The following FHIP1A variants were observed in gnomAD, a reference collection of about 807,000 sequenced individuals.
FHIP1A encodes FHF complex subunit HOOK interacting protein 1A.
FHIP1A carries 61 observed loss-of-function variants against 88.6 expected under a neutral mutation model. That is an observed-to-expected ratio of 0.69 (90% CI 0.56 to 0.85). The LOEUF (loss-of-function observed/expected upper bound fraction) is 0.85. Ranked by LOEUF, FHIP1A falls within the 40% of genes least tolerant of loss-of-function variation. The pLI, the probability that FHIP1A is intolerant of heterozygous loss-of-function variation, is 0.00. For missense variants in FHIP1A, 1,154 were observed against 1,273.5 expected, an observed-to-expected ratio of 0.91 and a Z score of 1.43; for synonymous variants, 478 against 496.0, an observed-to-expected ratio of 0.96 and a Z score of 0.48.
chr4:151,434,473 C>T (rs1368553283), intron 1 of FHIP1A, among the ~76,000 whole-genome samples: 3 of 152,102 alleles, frequency 2.0e-5, no homozygotes, highest in Non-Finnish European at 4.4e-5. Context: ...CATATAATCA[C>T]AGAGTGTAAA....
At chr4:151,512,477 G>T (rs1042135216) in intron 3 of FHIP1A, among the ~76,000 whole-genome samples, 1 of 152,206 alleles carries the variant, frequency 6.6e-6, no homozygotes, top group Non-Finnish European at 1.5e-5. Context: ...GTTGAGAGAA[G>T]AAGGCTTCAG....
chr4:151,504,843 G>A (rs1448484072), intron 3 of FHIP1A, among the ~76,000 whole-genome samples: 2 of 152,074 alleles, frequency 1.3e-5, no homozygotes, highest in African/African-American at 4.8e-5. Context: ...GTCTCAAACT[G>A]CTGCCTGCAG....
intron 3 of FHIP1A, among the ~76,000 whole-genome samples, chr4:151,491,887 A>G (rs938599468): frequency 1.3e-5 from 2 of 152,318 alleles, no homozygotes; most frequent in African/African-American, 4.8e-5. Flanking sequence ...TAAAGCAACA[A>G]CAGTTAAAAA....
chr4:151,533,063 C>G (rs969919883), intron 3 of FHIP1A: 1 of 152,134 alleles, frequency 6.6e-6, no homozygotes, highest in African/African-American at 2.4e-5. Flanking sequence ...GTGCAACACT[C>G]GACTGTCAGA....
intron 8 of FHIP1A, among the ~76,000 whole-genome samples, chr4:151,633,636 A>G (rs1736237610): frequency 6.6e-6 from 1 of 151,994 alleles, no homozygotes; most frequent in African/African-American, 2.4e-5. Context: ...CCTAGAATGC[A>G]ATGATACTTC....
intron 1 of FHIP1A, among the ~76,000 whole-genome samples, chr4:151,434,330 T>TA (rs2126545976): frequency 6.6e-6 from 1 of 152,358 alleles, no homozygotes; most frequent in South Asian, 2.1e-4. Flanking sequence ...GTCACTATGT[T>TA]ACTTACTATA....
intron 5 of FHIP1A, among the ~76,000 whole-genome samples, chr4:151,584,375 G>A (rs1435770003): frequency 6.6e-6 from 1 of 152,214 alleles, no homozygotes. Context: ...GATACAGAGA[G>A]TGCTGTGGGA....
chr4:151,524,483 C>T (rs954156923), intron 3 of FHIP1A, among the ~76,000 whole-genome samples: 3 of 152,168 alleles, frequency 2.0e-5, no homozygotes, highest in South Asian at 2.1e-4. Flanking sequence ...GGACTGGTAT[C>T]GAAGTGTCTA....
intron 1 of FHIP1A, among the ~76,000 whole-genome samples, chr4:151,429,718 A>G (rs921540716): frequency 1.3e-5 from 2 of 151,976 alleles, no homozygotes; most frequent in African/African-American, 4.8e-5. Context: ...GTGTAGTGGC[A>G]TGTGCCTGTG....
At chr4:151,484,781 T>C (rs986067586) in intron 3 of FHIP1A, among the ~76,000 whole-genome samples, 1 of 152,240 alleles carries the variant, frequency 6.6e-6, no homozygotes, top group African/African-American at 2.4e-5. Flanking sequence ...TATTCTGAGC[T>C]GTTGAGATAA....
intron 2 of FHIP1A, among the ~76,000 whole-genome samples, chr4:151,465,899 A>G (rs1729294206): frequency 6.6e-6 from 1 of 152,218 alleles, no homozygotes; most frequent in Non-Finnish European, 1.5e-5. Flanking sequence ...TATCTATGAC[A>G]AACCCATCCA....
chr4:151,580,211 G>A (rs1733969975), intron 5 of FHIP1A, among the ~76,000 whole-genome samples: 1 of 152,056 alleles, frequency 6.6e-6, no homozygotes, highest in Non-Finnish European at 1.5e-5. Flanking sequence ...GACTTTTTAA[G>A]AGACCAAGCC....
chr4:151,429,746 G>A (rs1733523310), intron 1 of FHIP1A, among the ~76,000 whole-genome samples: 1 of 151,138 alleles, frequency 6.6e-6, no homozygotes, highest in East Asian at 2.0e-4. Context: ...CAGTTCAGGA[G>A]TCTGAGGCAT....
chr4:151,500,196 A>G (rs997052394), intron 3 of FHIP1A, among the ~76,000 whole-genome samples: 11 of 152,226 alleles, frequency 7.2e-5, no homozygotes, highest in African/African-American at 2.4e-4. Flanking sequence ...ACATGGGGAA[A>G]TTTTAAAATT....
At chr4:151,502,943 T>G (rs2126665724) in intron 3 of FHIP1A, among the ~76,000 whole-genome samples, 1 of 152,324 alleles carries the variant, frequency 6.6e-6, no homozygotes, top group Non-Finnish European at 1.5e-5. Context: ...AACATCTGGT[T>G]TACTACATTA....
intron 3 of FHIP1A, among the ~76,000 whole-genome samples, chr4:151,539,987 T>G (rs770702190): frequency 2.6e-5 from 4 of 152,220 alleles, no homozygotes; most frequent in Non-Finnish European, 5.9e-5. Context: ...TGATTCATAC[T>G]GAGGTTCTTC....
rs1200380732 is a variant in FHIP1A, at chr4:151,664,441, T to G, written c.*1687T>G. Among the ~76,000 whole-genome samples, 3 of 152,192 alleles carry G rather than the reference T, an allele frequency of 2.0e-5. No individual in the cohort carries two copies. Among genetic ancestry groups the G allele is most frequent in the Non-Finnish European group, 4.4e-5 (3 of 68,022 alleles). ...ACCTGGCCTGGGCAGGGTGAGCTGTTAGGAGCCAGCCTTGCTTTCGTGTTT... is the reference window on the plus strand; with the variant it reads ...ACCTGGCCTGGGCAGGGTGAGCTGTGAGGAGCCAGCCTTGCTTTCGTGTTT... On this transcript the variant is annotated 3_prime_UTR_variant, in exon 14 of 14. Transcript: ENST00000435205.
At chr4:151,607,323 G>A (rs150440431) in intron 7 of FHIP1A, among the ~76,000 whole-genome samples, 389 of 152,296 alleles carry the variant, frequency 2.6e-3, no homozygotes, top group African/African-American at 9.0e-3. Flanking sequence ...GTCCTGTTGT[G>A]GGCCTGCAAC....
intron 9 of FHIP1A, among the ~76,000 whole-genome samples, chr4:151,640,042 G>A (rs1175705930): frequency 2.0e-5 from 3 of 152,204 alleles, no homozygotes; most frequent in Admixed American, 6.5e-5. Context: ...AAAGCCAGGG[G>A]TGTCAAAGTG....
Sources: allele counts gnomAD v4.1 joint callset (sites outside exome capture counted in the v4.1 genomes callset), GRCh38; gene constraint gnomAD v4.1.1; transcripts MANE v1.5; gene names NCBI Gene and HGNC (gene_info 2026-07-23, HGNC 2026-07-21).